CAB39L: variants seen among roughly 807,000 people sequenced by gnomAD.
CAB39L encodes calcium-binding protein 39-like.
A neutral mutation model predicts 39.1 loss-of-function variants in CAB39L; 23 were observed. That is an observed-to-expected ratio of 0.59 (90% confidence interval 0.42 to 0.83). The LOEUF is 0.83. Ranked by LOEUF, CAB39L falls within the 40% of genes least tolerant of loss-of-function variation. CAB39L has a pLI of 0.00. For synonymous variants in CAB39L, 126 were observed against 137.2 expected, an observed-to-expected ratio of 0.92 and a Z score of 0.57; for missense variants, 366 against 391.9, an observed-to-expected ratio of 0.93 and a Z score of 0.56.
At chr13:49,426,291 T>C (rs915148170) in intron 3 of CAB39L, among the ~76,000 whole-genome samples, 3 of 152,242 alleles carry the variant, frequency 2.0e-5, no homozygotes, top group African/African-American at 7.2e-5. Context: ...GAAACTTAGA[T>C]CTTTCTTAAA....
intron 3 of CAB39L, among the ~76,000 whole-genome samples, chr13:49,425,105 A>G (rs1957223425): frequency 6.6e-6 from 1 of 151,570 alleles, no homozygotes; most frequent in Non-Finnish European, 1.5e-5. Context: ...AGTTTAGAAA[A>G]GAATGAATCT....
chr13:49,403,608 T>C (rs1020198569), intron 3 of CAB39L, among the ~76,000 whole-genome samples: 2 of 152,054 alleles, frequency 1.3e-5, no homozygotes, highest in African/African-American at 2.4e-5. Flanking sequence ...ATTAGAAAGA[T>C]AAGAATGTTA....
At chr13:49,327,172 T>TA (rs1954528303) in intron 10 of CAB39L, among the ~76,000 whole-genome samples, 1 of 151,712 alleles carries the variant, frequency 6.6e-6, no homozygotes, top group South Asian at 2.1e-4. Flanking sequence ...ATTTTTTTTT[T>TA]AATAAAATAT....
intron 3 of CAB39L, among the ~76,000 whole-genome samples, chr13:49,388,444 T>C (rs773162090): frequency 6.6e-6 from 1 of 152,128 alleles, no homozygotes; most frequent in Non-Finnish European, 1.5e-5. Context: ...AGCATAAAAA[T>C]CAGGTTGGTT....
At chr13:49,415,971 A>G (rs1435933377) in intron 3 of CAB39L, among the ~76,000 whole-genome samples, 7 of 152,162 alleles carry the variant, frequency 4.6e-5, no homozygotes, top group Non-Finnish European at 1.0e-4. Flanking sequence ...ACAGAACTGG[A>G]GTTTTTTGGT....
At chr13:49,329,106 G>A (rs1022021927) in intron 10 of CAB39L, among the ~76,000 whole-genome samples, 3 of 151,846 alleles carry the variant, frequency 2.0e-5, no homozygotes, top group African/African-American at 7.3e-5. Context: ...ATCAAGTTTC[G>A]GATTTATATA....
chr13:49,393,995 G>A (rs1956547153), intron 3 of CAB39L, among the ~76,000 whole-genome samples: 1 of 151,914 alleles, frequency 6.6e-6, no homozygotes, highest in Non-Finnish European at 1.5e-5. Context: ...ATTTCTGGAT[G>A]TGAAATAGTT....
chr13:49,336,959 G>T (rs1002135250), intron 9 of CAB39L, among the ~76,000 whole-genome samples: 1 of 152,128 alleles, frequency 6.6e-6, no homozygotes, highest in Non-Finnish European at 1.5e-5. Context: ...TTTTTTTCTA[G>T]ATGGGTCTCC....
At chr13:49,414,010 A>C (rs1422658262) in intron 3 of CAB39L, 2 of 152,216 alleles carry the variant, frequency 1.3e-5, no homozygotes, top group Non-Finnish European at 2.9e-5. Flanking sequence ...ATACCTCCTT[A>C]AAAGGCAATT....
chr13:49,386,998 G>A (rs1230788029), intron 3 of CAB39L, among the ~76,000 whole-genome samples: 2 of 152,164 alleles, frequency 1.3e-5, no homozygotes, highest in Non-Finnish European at 2.9e-5. Flanking sequence ...TTTAAGCAAT[G>A]AAGCAAGTAG....
chr13:49,328,727 C>A (rs1954576380), intron 10 of CAB39L, among the ~76,000 whole-genome samples: 1 of 152,104 alleles, frequency 6.6e-6, no homozygotes, highest in Non-Finnish European at 1.5e-5. Flanking sequence ...CCCAGCTACT[C>A]AGGAGGCTGA....
intron 5 of CAB39L, among the ~76,000 whole-genome samples, chr13:49,365,910 A>C (rs1955757743): frequency 6.6e-6 from 1 of 152,254 alleles, no homozygotes; most frequent in Non-Finnish European, 1.5e-5. Context: ...GTCCAAAAAC[A>C]GATGAGAAAA....
chr13:49,356,065 C>T (rs145235053), intron 6 of CAB39L, among the ~76,000 whole-genome samples: 71 of 152,022 alleles, frequency 4.7e-4, no homozygotes, highest in Middle Eastern at 6.8e-3. Context: ...AGCAAAATGA[C>T]GGAATCAGGC....
intron 6 of CAB39L, among the ~76,000 whole-genome samples, chr13:49,358,564 A>T (rs917667492): frequency 3.9e-5 from 6 of 152,200 alleles, no homozygotes; most frequent in Non-Finnish European, 8.8e-5. Flanking sequence ...AAAATAGAGA[A>T]GAAAGAGGCA....
intron 9 of CAB39L, among the ~76,000 whole-genome samples, chr13:49,337,736 A>G (rs531530319): frequency 0.011 from 152 of 14,094 alleles, 2 homozygotes; most frequent in African/African-American, 0.032. Context: ...TCTGGCGCAC[A>G]CACACACACA....
At chr13:49,316,842 G>A (rs967498583) in intron 10 of CAB39L, among the ~76,000 whole-genome samples, 8 of 152,170 alleles carry the variant, frequency 5.3e-5, no homozygotes, top group African/African-American at 1.4e-4. Context: ...GCTTAGGGTG[G>A]CTTTACTCCA....
At chr13:49,429,680 A>AT (rs1301670050) in intron 3 of CAB39L, among the ~76,000 whole-genome samples, 2 of 152,228 alleles carry the variant, frequency 1.3e-5, no homozygotes, top group Non-Finnish European at 1.5e-5. Context: ...TGAGTATACC[A>AT]TGAGGTTCAC....
intron 7 of CAB39L, among the ~76,000 whole-genome samples, chr13:49,349,253 T>C (rs965489094): frequency 2.0e-5 from 3 of 152,044 alleles, no homozygotes; most frequent in Admixed American, 1.3e-4. Context: ...TTAATATTAG[T>C]ATATGGACTA....
chr13:49,337,026 G>GA (rs1367800037), intron 9 of CAB39L, among the ~76,000 whole-genome samples: 2 of 152,154 alleles, frequency 1.3e-5, no homozygotes, highest in East Asian at 3.8e-4. Context: ...ATGGCTGGCT[G>GA]AAAAATGGCC....
Sources: gnomAD v4.1 joint callset for allele counts (sites outside exome capture counted in the v4.1 genomes callset) on GRCh38, gnomAD v4.1.1 for gene constraint, MANE v1.5 for transcripts, NCBI Gene and HGNC (gene_info 2026-07-23, HGNC 2026-07-21) for gene names.